Variants in SPATA21 observed in about 807,000 individuals in gnomAD.
The protein encoded by SPATA21 is spermatogenesis-associated protein 21.
A neutral mutation model predicts 54.8 loss-of-function variants in SPATA21; 47 were observed. That is an observed-to-expected ratio of 0.86 (90% CI 0.68 to 1.09). The LOEUF (loss-of-function observed/expected upper bound fraction) is 1.09, where lower values mean the gene tolerates loss of function less well. Among genes scored for constraint, SPATA21 ranks in the 50% least tolerant of loss-of-function variants. The pLI is 0.00. For missense variants in SPATA21, 599 were observed against 596.4 expected, an observed-to-expected ratio of 1.00 and a Z score of -0.05; for synonymous variants, 245 against 235.3, an observed-to-expected ratio of 1.04 and a Z score of -0.38.
At chr1:16,397,889 C>T (rs1359777361), downstream of SPATA21, 2 of 415,746 alleles carry the variant, frequency 4.8e-6, no homozygotes, top group Non-Finnish European at 6.5e-6. This position sits in a 1 kb window ranked among gnomAD's most constrained non-coding sequence, Gnocchi z 5.4. Context: ...CAGGGCTGTA[C>T]CCAGCCTCCC....
intron 5 of SPATA21, 90 bp from the exon 6 acceptor site, chr1:16,410,133 C>T (rs949905094): frequency 7.5e-6 from 8 of 1,071,704 alleles, no homozygotes; most frequent in African/African-American, 1.6e-5. Context: ...CAGAGATCCT[C>T]AGACTGCCCC....
intron 5 of SPATA21, among the ~76,000 whole-genome samples, chr1:16,410,344 C>G (rs1009085942): frequency 1.3e-5 from 2 of 152,020 alleles, no homozygotes; most frequent in African/African-American, 4.8e-5. Flanking sequence ...CTTCCAGGCT[C>G]GAGTGATCCT....
intron 11 of SPATA21, among the ~76,000 whole-genome samples, chr1:16,399,993 G>A (rs888441397): frequency 6.6e-6 from 1 of 152,042 alleles, no homozygotes; most frequent in African/African-American, 2.4e-5. Context: ...CTAGTTAGGG[G>A]CATTGGGCAA....
In SPATA21 at chr1:16,409,468, C is replaced by A; in HGVS notation, c.587+133G>T. On this transcript the variant is annotated intron_variant, in intron 6 of 12. Transcript: ENST00000335496. This position sits in a 1 kb window ranked among gnomAD's most constrained non-coding sequence, Gnocchi z 4.1. ...AGACATGGGAGATGCGGAGAGGAGA[C>A]ACATGAGGAGAAATGGAGAGAGGGG... The A allele has an allele frequency of 1.0e-6, 1 of 993,090 alleles. No homozygotes were observed. Among genetic ancestry groups the A allele is most frequent in the Non-Finnish European group, 1.5e-6 (1 of 681,480 alleles). 61.5% of individuals were successfully genotyped at this position (993,090 alleles called of 1,614,324 possible). A position where few individuals can be genotyped will look rare whatever the true frequency, so the allele number is the denominator to read the frequency against.
At position 16,409,542 on chromosome 1, in the gene SPATA21, A is replaced by C; in HGVS notation, c.587+59T>G. On this transcript the variant is annotated intron_variant, in intron 6 of 12. Coordinates refer to ENST00000335496, the MANE Select transcript of SPATA21 (RefSeq NM_198546.1). This position sits in a 1 kb window ranked among gnomAD's most constrained non-coding sequence, Gnocchi z 4.1. ...GCAGGGACAGGGACCTGCATCCGGG[A>C]CAAGGCTCTGATCTTGGGGCCTTTC... is the stretch of plus-strand genomic sequence containing the variant. The C allele has an allele frequency of 6.5e-7, 1 of 1,541,536 alleles. No homozygotes were observed. The highest frequency in any genetic ancestry group is 8.8e-7 in the Non-Finnish European group (1 of 1,141,936).
intron 3 of SPATA21, among the ~76,000 whole-genome samples, chr1:16,427,230 A>G (rs1474560443): frequency 6.6e-6 from 1 of 151,728 alleles, no homozygotes; most frequent in Non-Finnish European, 1.5e-5. Flanking sequence ...TTCTATTTCC[A>G]CCGGCATGGT....
intron 5 of SPATA21, among the ~76,000 whole-genome samples, chr1:16,414,660 T>C (rs1346909389): frequency 6.6e-6 from 1 of 151,894 alleles, no homozygotes; most frequent in African/African-American, 2.4e-5. Flanking sequence ...TCTGGGAGGC[T>C]GAGGCAGGCA....
chr1:16,408,929 T>C (rs1177923821), intron 7 of SPATA21, among the ~76,000 whole-genome samples, 189 bp downstream of exon 7: 1 of 151,144 alleles, frequency 6.6e-6, no homozygotes, highest in Non-Finnish European at 1.5e-5. Flanking sequence ...CCAGCAGCTT[T>C]GTGAGCTGGA....
At chr1:16,401,704 A>G (rs979347455) in intron 10 of SPATA21, among the ~76,000 whole-genome samples, 2 of 152,150 alleles carry the variant, frequency 1.3e-5, no homozygotes, top group Admixed American at 6.6e-5. Context: ...ACTCTGCTCC[A>G]GAAAATCTTC....
At chr1:16,404,399 C>T (rs887464355) in intron 8 of SPATA21, among the ~76,000 whole-genome samples, 1 of 151,742 alleles carries the variant, frequency 6.6e-6, no homozygotes, top group Non-Finnish European at 1.5e-5. Context: ...GAACCTGGGA[C>T]GTGGAGGTTG....
At position 16,421,614 on chromosome 1, in the gene SPATA21, C is replaced by T; in HGVS notation, c.96-57G>A. 1.9e-6 allele frequency: 3 copies of T among 1,539,774 alleles called. No homozygotes were observed. The highest frequency in any genetic ancestry group is 2.7e-6 in the Non-Finnish European group (3 of 1,131,042). ...AGCGCTCAGCTGAAGGTTTGCCCCCCTGCCCTCCCCTCTCAGCCCCCAGGA... is the reference window on the plus strand; with the variant it reads ...AGCGCTCAGCTGAAGGTTTGCCCCCTTGCCCTCCCCTCTCAGCCCCCAGGA... On this transcript the variant is annotated intron_variant, in intron 4 of 12. Transcript: ENST00000335496. The surrounding 1 kb of genome is among the most constrained non-coding windows in gnomAD (Gnocchi z 5.2).
Position 16,409,121 on chromosome 1 carries a change from C to T in SPATA21, c.670G>A (p.Glu224Lys). ...SEEQLTLKQEEAFRSYFEIFN... is the reference protein window; with the variant it reads ...SEEQLTLKQEKAFRSYFEIFN... ...TCCCTGACCTCCCTGCCCTCACCTT[C>T]CTCTTGCTTCAGGGTCAGTTGCTCC... Residue 224 changes from glutamate to lysine, a missense_variant, in exon 7 of 13, where the codon GAA becomes AAA. Glu to Lys is a moderately conservative substitution (Grantham distance 56). Transcript: ENST00000335496. The surrounding 1 kb of genome is among the most constrained non-coding windows in gnomAD (Gnocchi z 4.1). 1 of 1,614,078 alleles carries T rather than the reference C, an allele frequency of 6.2e-7. No individual in the cohort carries two copies.
intron 7 of SPATA21, chr1:16,408,528 T>C: frequency 1.0e-6 from 1 of 985,766 alleles, no homozygotes. Flanking sequence ...TCTGTCATTC[T>C]CTCAGAGAGG....
At chr1:16,405,251 C>T (rs2085594579) in intron 7 of SPATA21, 147 bp from the exon 8 acceptor site, 2 of 1,189,640 alleles carry the variant, frequency 1.7e-6, no homozygotes, top group Admixed American at 3.2e-5. Context: ...CCTGTAATCC[C>T]AACATTTTGG....
rs2085756361 is a variant in SPATA21 at position 16,409,398 on chromosome 1, CT to C, written c.588-196del. On this transcript the variant is annotated intron_variant, in intron 6 of 12. Coordinates refer to ENST00000335496, the MANE Select transcript of SPATA21 (RefSeq NM_198546.1). The surrounding 1 kb of genome is among the most constrained non-coding windows in gnomAD (Gnocchi z 4.1). The stretch of plus-strand genomic sequence containing the variant: ...AGGAGAGGGGACTAGAGGGAGACCC[CT>C]TCGGGGGAGTTAGAAAAGGGGTCAG... 6.6e-6 allele frequency among the ~76,000 whole-genome samples: 1 copy of C among 152,098 alleles called. No homozygotes were observed. The highest frequency in any genetic ancestry group is 1.5e-5 in the Non-Finnish European group (1 of 68,016).
intron 1 of SPATA21, among the ~76,000 whole-genome samples, chr1:16,433,426 G>A (rs577425884): frequency 6.6e-6 from 1 of 152,212 alleles, no homozygotes; most frequent in Non-Finnish European, 1.5e-5. Flanking sequence ...TCTTGCCTTG[G>A]AGTTCCTTGC....
At chr1:16,408,252 G>A (rs958086839) in intron 7 of SPATA21, among the ~76,000 whole-genome samples, 1 of 152,200 alleles carries the variant, frequency 6.6e-6, no homozygotes, top group African/African-American at 2.4e-5. Context: ...TGATGGGGGA[G>A]TGGGGTCACA....
At chr1:16,399,027 A>T (rs2085362745) in intron 12 of SPATA21, among the ~76,000 whole-genome samples, 6 of 152,122 alleles carry the variant, frequency 3.9e-5, no homozygotes, top group Admixed American at 2.0e-4. Context: ...GCTGCAGGAG[A>T]CGTTCCCCTC....
intron 10 of SPATA21, 56 bp downstream of exon 10, chr1:16,403,671 C>A: frequency 6.7e-7 from 1 of 1,493,386 alleles, no homozygotes; most frequent in Admixed American, 1.7e-5. Context: ...TGCCAAAATG[C>A]TAGATGCCAC....
Sources: gnomAD v4.1 joint callset for allele counts (sites outside exome capture counted in the v4.1 genomes callset) on GRCh38, gnomAD v4.1.1 for gene constraint, Gnocchi (gnomAD v3.1) non-coding constraint, MANE v1.5 for transcripts, NCBI Gene and HGNC (gene_info 2026-07-23, HGNC 2026-07-21) for gene names.